The following EXOC4 variants were observed in gnomAD, a reference collection of about 807,000 sequenced individuals.
EXOC4 encodes the protein exocyst complex component 4, also known as SEC8-like 1.
EXOC4 carries 71 observed loss-of-function variants against 107.2 expected under a neutral mutation model. That is an observed-to-expected ratio of 0.66 (90% confidence interval 0.55 to 0.81). The LOEUF is 0.81. Among genes scored for constraint, EXOC4 ranks in the 30% least tolerant of loss-of-function variants. EXOC4 has a pLI of 0.00. For synonymous variants in EXOC4, 456 were observed against 441.2 expected (o/e 1.03, Z -0.42); for missense variants, 1,108 against 1,189.6 (o/e 0.93, Z 1.01).
intron 3 of EXOC4, among the ~76,000 whole-genome samples, chr7:133,301,281 A>G (rs1384829425): frequency 6.6e-6 from 1 of 152,204 alleles, no homozygotes; most frequent in Non-Finnish European, 1.5e-5. Context: ...TTGTTCATAC[A>G]GAGATTTTGT....
rs546873847 is a variant in EXOC4 at position 133,531,892 on chromosome 7, G to A, written c.1417+51754G>A. Among the ~76,000 whole-genome samples, 12 of 152,190 alleles carry A rather than the reference G, an allele frequency of 7.9e-5. 2 individuals carry two copies. In the South Asian group the frequency reaches 1.9e-3, roughly 24 times the overall value. ...ATCCAAAATGCTTTGGACCAGAAGC[G>A]TTTGGGATTTTGGACTTTTTCAAGT... On this transcript the variant is annotated intron_variant, in intron 9 of 17. Coordinates refer to ENST00000253861, the MANE Select transcript of EXOC4 (RefSeq NM_021807.4).
At chr7:133,594,744 G>A (rs1030833184) in intron 9 of EXOC4, among the ~76,000 whole-genome samples, 54 of 151,862 alleles carry the variant, frequency 3.6e-4, no homozygotes, top group Non-Finnish European at 1.9e-4. Flanking sequence ...CACCTGCCTC[G>A]GCCTCCCAGA....
chr7:133,325,239 T>A (rs1032009514), intron 5 of EXOC4, among the ~76,000 whole-genome samples: 4 of 152,216 alleles, frequency 2.6e-5, no homozygotes, highest in Admixed American at 2.0e-4. Flanking sequence ...ATGTGTGAAT[T>A]TGGTCCTGTC....
rs543471431 is a variant in EXOC4, at chr7:133,374,095, T to C, written c.1008-733T>C. ...ATGCCATAAATCTTTGAGCTATCTA[T>C]TCTAGAGCTGTAGTGAAAGGTAGGT... is the stretch of plus-strand genomic sequence containing the variant. On this transcript the variant is annotated intron_variant, in intron 6 of 17. Transcript: ENST00000253861. Among the ~76,000 whole-genome samples, 11 of 152,336 alleles carry C rather than the reference T, an allele frequency of 7.2e-5. No homozygotes were observed. In the South Asian group the frequency reaches 2.3e-3, roughly 32 times the overall value.
Position 133,437,435 on chromosome 7 carries a change from C to A in EXOC4, c.1183-37893C>A, listed in dbSNP as rs191420053. On this transcript the variant is annotated intron_variant, in intron 7 of 17. Coordinates refer to ENST00000253861, the MANE Select transcript of EXOC4 (RefSeq NM_021807.4). Reference sequence around the variant, plus strand: ...TTCCCATTTTCGATTATCTGGTGATCACTTACTATTTGCTCTAAACTTCAG... The same window carrying A: ...TTCCCATTTTCGATTATCTGGTGATAACTTACTATTTGCTCTAAACTTCAG... Among the ~76,000 whole-genome samples, 661 of 152,242 alleles carry A rather than the reference C, an allele frequency of 4.3e-3. 4 individuals are homozygous for A. The highest frequency in any genetic ancestry group is 5.0e-3 in the Non-Finnish European group (339 of 68,002).
intron 9 of EXOC4, among the ~76,000 whole-genome samples, chr7:133,616,327 T>G (rs1169551914): frequency 6.6e-6 from 1 of 152,188 alleles, no homozygotes; most frequent in East Asian, 1.9e-4. Context: ...TCATGGATTA[T>G]GGCTGTTGCT....
At chr7:133,606,878 G>A (rs922042630) in intron 9 of EXOC4, among the ~76,000 whole-genome samples, 1 of 152,032 alleles carries the variant, frequency 6.6e-6, no homozygotes, top group Non-Finnish European at 1.5e-5. Context: ...TGTCTTCCTT[G>A]TCTCTTACAA....
intron 17 of EXOC4, among the ~76,000 whole-genome samples, chr7:134,057,383 C>A (rs1014202306): frequency 6.6e-6 from 1 of 150,774 alleles, no homozygotes; most frequent in African/African-American, 2.5e-5. Context: ...AAACAAAAAA[C>A]TGTCCTGATA....
At chr7:133,254,670 A>G (rs1460645627) in intron 1 of EXOC4, among the ~76,000 whole-genome samples, 1 of 152,240 alleles carries the variant, frequency 6.6e-6, no homozygotes, top group Non-Finnish European at 1.5e-5. Context: ...TTTTGCAAAG[A>G]TGAAGCAGGC....
chr7:133,512,812 A>G (rs1432842437), intron 9 of EXOC4, among the ~76,000 whole-genome samples: 1 of 152,196 alleles, frequency 6.6e-6, no homozygotes, highest in African/African-American at 2.4e-5. Context: ...TCTCATCTTC[A>G]GGGAGGCAGT....
At chr7:133,979,924 C>T (rs1793939248) in intron 14 of EXOC4, among the ~76,000 whole-genome samples, 1 of 152,130 alleles carries the variant, frequency 6.6e-6, no homozygotes, top group African/African-American at 2.4e-5. Context: ...TCCCACGCTG[C>T]TCCTCAACAT....
chr7:133,978,629 C>T (rs1793898627), intron 14 of EXOC4, among the ~76,000 whole-genome samples: 1 of 152,152 alleles, frequency 6.6e-6, no homozygotes, highest in Non-Finnish European at 1.5e-5. Context: ...TGGAAGGATA[C>T]AAAAAGCAAG....
chr7:133,647,107 G>A (rs1446442020), intron 10 of EXOC4, among the ~76,000 whole-genome samples: 2 of 152,082 alleles, frequency 1.3e-5, no homozygotes, highest in Admixed American at 1.3e-4. Context: ...TTGACGGCAC[G>A]CAAACACTGA....
At chr7:133,464,801 G>T (rs1017947) in intron 7 of EXOC4, among the ~76,000 whole-genome samples, 94,923 of 117,264 alleles carry the variant, frequency 0.81, 37,859 homozygotes, top group African/African-American at 0.91. Flanking sequence ...TTTTTTTGTT[G>T]GTTGGGTTGG....
In EXOC4 at chr7:133,354,005, T is replaced by G. The variant is rs537842544; in HGVS notation, c.764-2325T>G. Among the ~76,000 whole-genome samples the G allele has an allele frequency of 2.6e-5, 4 of 152,238 alleles. No homozygotes were observed. The South Asian group carries it at 6.2e-4, about 24-fold the overall frequency. On this transcript the variant is annotated intron_variant, in intron 5 of 17. Transcript: ENST00000253861. Reference sequence around the variant, plus strand: ...TATATCTCTTTATTGATATTGCCAGTTTGTTTATACATTATTTTCTTGACT... The same window carrying G: ...TATATCTCTTTATTGATATTGCCAGGTTGTTTATACATTATTTTCTTGACT...
chr7:133,844,874 C>T (rs1471830234), intron 11 of EXOC4, among the ~76,000 whole-genome samples: 1 of 152,076 alleles, frequency 6.6e-6, no homozygotes, highest in Admixed American at 6.6e-5. Flanking sequence ...TTCAGGCACT[C>T]TCTGAAACAT....
At chr7:134,028,338 C>T (rs982876467) in intron 17 of EXOC4, among the ~76,000 whole-genome samples, 5 of 152,144 alleles carry the variant, frequency 3.3e-5, no homozygotes, top group Non-Finnish European at 5.9e-5. Context: ...TTGTCATGTT[C>T]TCTCTTAGCT....
At chr7:134,010,188 C>T (rs1794731696) in intron 17 of EXOC4, 1 of 152,172 alleles carries the variant, frequency 6.6e-6, no homozygotes. Context: ...ACTCTTTTCT[C>T]AGTGCCTCTA....
intron 7 of EXOC4, among the ~76,000 whole-genome samples, chr7:133,419,312 A>G (rs1797549665): frequency 6.6e-6 from 1 of 151,462 alleles, no homozygotes; most frequent in African/African-American, 2.4e-5. Context: ...AGGAAAGGAG[A>G]CTCATGGTAT....
Sources: allele counts gnomAD v4.1 joint callset (sites outside exome capture counted in the v4.1 genomes callset), GRCh38; gene constraint gnomAD v4.1.1; transcripts MANE v1.5; gene names NCBI Gene and HGNC (gene_info 2026-07-23, HGNC 2026-07-21).